TTLL6: variants seen among roughly 807,000 people sequenced by gnomAD.
TTLL6 encodes tubulin tyrosine ligase like 6, also known as tubulin polyglutamylase TTLL6.
TTLL6 carries 75 observed loss-of-function variants against 96.4 expected under a neutral mutation model. The observed-to-expected ratio is 0.78, with a 90% confidence interval of 0.65 to 0.94. The LOEUF is 0.94. Ranked by LOEUF, TTLL6 falls within the 40% of genes least tolerant of loss-of-function variation. The pLI, the probability that TTLL6 is intolerant of heterozygous loss-of-function variation, is 0.00. For synonymous variants in TTLL6, 411 were observed against 419.4 expected (o/e 0.98, Z 0.24); for missense variants, 1,030 against 1,093.0 (o/e 0.94, Z 0.81).
chr17:48,768,294 G>A (rs976274371), intron 15 of TTLL6, among the ~76,000 whole-genome samples: 42 of 149,246 alleles, frequency 2.8e-4, no homozygotes, highest in African/African-American at 9.6e-4. Flanking sequence ...TTTTTGAGAC[G>A]GAGTCTCACT....
At chr17:48,767,457 C>T (rs2038638212) in intron 15 of TTLL6, among the ~76,000 whole-genome samples, 1 of 148,520 alleles carries the variant, frequency 6.7e-6, no homozygotes, top group South Asian at 2.2e-4. Context: ...CCCAGGACCA[C>T]TGAATCAGAA....
At chr17:48,797,311 T>C in intron 6 of TTLL6, 107 bp from the exon 7 acceptor site, 1 of 1,243,238 alleles carries the variant, frequency 8.0e-7, no homozygotes, top group Non-Finnish European at 1.1e-6. Flanking sequence ...CATTGCCTAG[T>C]GTTGTGGAGG....
rs2039222869 is a variant in TTLL6, at chr17:48,791,497, G to T, written c.1105C>A (p.Pro369Thr). 1 of 1,614,038 alleles carries T rather than the reference G, an allele frequency of 6.2e-7. No homozygotes were observed. Among genetic ancestry groups the T allele is most frequent in the South Asian group, 1.1e-5 (1 of 91,082 alleles). Residue 369 changes from proline (P) to threonine (T), a missense_variant, in exon 9 of 16, where the codon CCC becomes ACC. Physicochemically the swap from Pro to Thr is conservative, Grantham distance 38. Transcript: ENST00000393382. ...VIIKTLISAH[P>T]IIRHNYHTCF... ...GTGTGGTAGTTATGCCTGATGATGG[G>T]GTGGGCCGAGATGAGGGTCTTGATG...
At chr17:48,789,806 C>T in intron 10 of TTLL6, 125 bp downstream of exon 10, 1 of 1,018,092 alleles carries the variant, frequency 9.8e-7, no homozygotes, top group Non-Finnish European at 1.4e-6. Context: ...ATCTGCCTGC[C>T]TCAGCCTCCC....
Position 48,787,820 on chromosome 17 carries a change from T to C in TTLL6, c.1580A>G (p.Glu527Gly). Residue 527 changes from glutamate (E) to glycine (G), a missense_variant, in exon 11 of 16, where the codon GAG (glutamate) becomes GGG (glycine). Coordinates refer to ENST00000393382, the MANE Select transcript of TTLL6 (RefSeq NM_001130918.3). ...CCGGATGTCTTCCTACCGGGCATAC[T>C]CCTCCCGAGCCCTGGAAGCAACAGT... ...QNTVASRARE[E>G]YARQLIQELR... 6.2e-7 allele frequency: 1 copy of C among 1,613,822 alleles called. No homozygotes were observed. The highest frequency in any genetic ancestry group is 2.2e-5 in the East Asian group (1 of 44,874).
At chr17:48,766,163 G>A (rs868391089) in intron 15 of TTLL6, among the ~76,000 whole-genome samples, 4 of 152,178 alleles carry the variant, frequency 2.6e-5, no homozygotes, top group South Asian at 2.1e-4. Context: ...AGCTCCAAGC[G>A]GGTGAGGGCC....
intron 15 of TTLL6, among the ~76,000 whole-genome samples, chr17:48,764,824 G>A (rs1417394307): frequency 6.6e-6 from 1 of 152,070 alleles, no homozygotes; most frequent in Non-Finnish European, 1.5e-5. Context: ...TAAAAGCAGG[G>A]GGCCAGTTCT....
chr17:48,803,214 G>T (rs2039453559), intron 3 of TTLL6, among the ~76,000 whole-genome samples: 1 of 152,054 alleles, frequency 6.6e-6, no homozygotes. Flanking sequence ...TACAGCAAGA[G>T]CCGGGCACAG....
rs373921719 is a variant in TTLL6, at chr17:48,769,810, T to G, written c.2328A>C (p.Leu776=). 8.0e-5 allele frequency: 129 copies of G among 1,614,116 alleles called. No homozygotes were observed. The highest frequency in any genetic ancestry group is 1.1e-4 in the Non-Finnish European group (126 of 1,180,054). The change falls in exon 14 of 16, where the codon CTA becomes CTC. Residue 776 remains leucine, a synonymous_variant. Coordinates refer to ENST00000393382, the MANE Select transcript of TTLL6 (RefSeq NM_001130918.3). Reference sequence around the variant, plus strand: ...TCCCACTCAGTTGAAGCTTGGTGAGTAGCTCGGATATCAAATGTGGCTTGT... The same window carrying G: ...TCCCACTCAGTTGAAGCTTGGTGAGGAGCTCGGATATCAAATGTGGCTTGT... ...DMNKPHLISE[L]LTKLQLSGKL...
rs778125332 is a variant in TTLL6 at position 48,785,187 on chromosome 17, C to T, written c.1776G>A (p.Leu592=). Residue 592 remains leucine, a synonymous_variant, in exon 13 of 16, where the codon TTG becomes TTA. Transcript: ENST00000393382. The part of the protein sequence containing the change: ...TQASKQYIQP[L]TLVSYTPDLL... ...AGTCAGGTGTGTAGGATACTAATGTCAATGGCTGGATGTACTGAGGGAGGA... is the reference window on the plus strand; with the variant it reads ...AGTCAGGTGTGTAGGATACTAATGTTAATGGCTGGATGTACTGAGGGAGGA... The T allele has an allele frequency of 6.2e-7, 1 of 1,614,094 alleles. No homozygotes were observed. The highest frequency in any genetic ancestry group is 8.5e-7 in the Non-Finnish European group (1 of 1,180,052).
At position 48,787,882 on chromosome 17, in the gene TTLL6, C is replaced by A; in HGVS notation, c.1518G>T (p.Glu506Asp). The A allele has an allele frequency of 6.2e-7, 1 of 1,614,190 alleles. No homozygotes were observed. ...IYPSLNSEKY[E>D]KFFQDNNSLF... ...GGGAGTTGTTGTCCTGGAAAAACTT[C>A]TCATACTTCTCCGAATTCAGACTGG... The change falls in exon 11 of 16, where the codon GAG (glutamate) becomes GAT (aspartate). Residue 506 changes from glutamate (E) to aspartate (D), a missense_variant. Glu to Asp is a conservative substitution (Grantham distance 45). Coordinates refer to ENST00000393382, the MANE Select transcript of TTLL6 (RefSeq NM_001130918.3).
chr17:48,797,224 G>A lies in TTLL6; in HGVS notation c.769-20C>T. 1 of 1,539,972 alleles carries A rather than the reference G, an allele frequency of 6.5e-7. No homozygotes were observed. The highest frequency in any genetic ancestry group is 2.5e-5 in the East Asian group (1 of 40,748). ...AAAGGGCTGGAAGGAGAGAACAGAA[G>A]TCAGACATGCATTAGAGGAGAAATT... On this transcript the variant is annotated intron_variant, in intron 6 of 15. Coordinates refer to ENST00000393382, the MANE Select transcript of TTLL6 (RefSeq NM_001130918.3).
Position 48,799,762 on chromosome 17 carries a change from T to G in TTLL6, c.612-2A>C, listed in dbSNP as rs146486806. Reference sequence around the variant, plus strand: ...CTGTAGGTCTGCAAATCTCCCCAGCTACCAGAGCAGGGAGGGAACAAGATA... The same window carrying G: ...CTGTAGGTCTGCAAATCTCCCCAGCGACCAGAGCAGGGAGGGAACAAGATA... On this transcript the variant is annotated splice_acceptor_variant, in intron 5 of 15. Transcript: ENST00000393382. LOFTEE classifies it high-confidence loss of function. 231 of 1,551,352 alleles carry G rather than the reference T, an allele frequency of 1.5e-4. No individual in the cohort carries two copies. In the African/African-American group the frequency reaches 2.3e-3, roughly 16 times the overall value.
At chr17:48,804,647 G>T in intron 2 of TTLL6, 125 bp downstream of exon 2, 1 of 780,702 alleles carries the variant, frequency 1.3e-6, no homozygotes. Flanking sequence ...AAAGTGGTGA[G>T]ATGTTGACAG....
intron 13 of TTLL6, among the ~76,000 whole-genome samples, chr17:48,778,197 A>C (rs149252098): frequency 0.011 from 1,743 of 151,804 alleles, 19 homozygotes; most frequent in Non-Finnish European, 0.018. Flanking sequence ...AAATCACTTG[A>C]ACCCGAGAGG....
chr17:48,814,245 G>A (rs1198045550), intron 1 of TTLL6, among the ~76,000 whole-genome samples: 1 of 150,428 alleles, frequency 6.6e-6, no homozygotes, highest in Non-Finnish European at 1.5e-5. Context: ...CTTGAACCTG[G>A]GAGGCGGACG....
chr17:48,766,579 A>G (rs1385555119), intron 15 of TTLL6, among the ~76,000 whole-genome samples: 2 of 152,184 alleles, frequency 1.3e-5, no homozygotes, highest in African/African-American at 4.8e-5. Context: ...AATAGTAGAA[A>G]CAGACTGGGT....
rs561901636 is a variant in TTLL6, at chr17:48,776,947, T to G, written c.2041-6850A>C. ...CAGCAAAAGTGGAGGACTTATATTA[T>G]CTAATTCTAAGATTTTCTATATAGG... is the stretch of plus-strand genomic sequence containing the variant. On this transcript the variant is annotated intron_variant, in intron 13 of 15. Coordinates refer to ENST00000393382, the MANE Select transcript of TTLL6 (RefSeq NM_001130918.3). 5.3e-5 allele frequency among the ~76,000 whole-genome samples: 8 copies of G among 152,028 alleles called. No homozygotes were observed. In the South Asian group the frequency reaches 1.7e-3, roughly 32 times the overall value.
chr17:48,793,545 G>T (rs1046121720), intron 8 of TTLL6, among the ~76,000 whole-genome samples: 4 of 151,696 alleles, frequency 2.6e-5, no homozygotes, highest in Admixed American at 2.6e-4. Flanking sequence ...CAGTGAGCCG[G>T]GATCGCGCCA....
Sources: allele counts gnomAD v4.1 joint callset (sites outside exome capture counted in the v4.1 genomes callset), GRCh38; gene constraint gnomAD v4.1.1; transcripts MANE v1.5; gene names NCBI Gene and HGNC (gene_info 2026-07-23, HGNC 2026-07-21).